Variants in KIAA0232 observed in about 807,000 individuals in gnomAD.
KIAA0232 encodes uncharacterized protein KIAA0232.
In KIAA0232, 27 loss-of-function variants were observed where a neutral mutation model predicts 122.0. The ratio of observed to expected loss-of-function variants is 0.22; its 90% CI spans 0.16 to 0.31. The LOEUF (loss-of-function observed/expected upper bound fraction) is 0.31, where lower values mean the gene tolerates loss of function less well. Ranked by LOEUF, KIAA0232 falls within the 10% of genes least tolerant of loss-of-function variation. The pLI, the probability that KIAA0232 is intolerant of heterozygous loss-of-function variation, is 1.00. For missense variants in KIAA0232, 1,551 were observed against 1,634.2 expected (o/e 0.95, Z 0.88); for synonymous variants, 613 against 587.6 (o/e 1.04, Z -0.63).
Position 6,857,193 on chromosome 4 carries a change from G to T in KIAA0232, c.399G>T (p.Glu133Asp). 1.2e-6 allele frequency: 2 copies of T among 1,610,906 alleles called. No individual in the cohort carries two copies. Among genetic ancestry groups the T allele is most frequent in the Non-Finnish European group, 1.7e-6 (2 of 1,178,498 alleles). Residue 133 changes from glutamate (E) to aspartate (D), a missense_variant, in exon 5 of 10, where the codon GAG (glutamate) becomes GAT (aspartate). Transcript: ENST00000307659. ...ESSGIETLVEELCSRLKDLQS... is the reference protein window; with the variant it reads ...ESSGIETLVEDLCSRLKDLQS... ...CTGGTATCGAGACTTTAGTGGAGGA[G>T]CTCTGCTCCAGACTGAAAGACCTTC...
chr4:6,824,810 C>CCAGTTAA (rs1227247344), intron 3 of KIAA0232, 126 bp downstream of exon 3: 5 of 768,950 alleles, frequency 6.5e-6, no homozygotes, highest in Middle Eastern at 3.7e-4. Flanking sequence ...TTTAACCTGT[C>CCAGTTAA]AGTGACCAGA....
At chr4:6,811,747 ATTTTTTTTTTTTTT>A (rs10709832) in intron 2 of KIAA0232, among the ~76,000 whole-genome samples, 1 of 103,930 alleles carries the variant, frequency 9.6e-6, no homozygotes. Flanking sequence ...GCCTGGCCTA[ATTTTTTTTTTTTTT>A]TTTTTTTTTT....
At chr4:6,842,635 G>C (rs1208670445) in intron 4 of KIAA0232, among the ~76,000 whole-genome samples, 1 of 150,658 alleles carries the variant, frequency 6.6e-6, no homozygotes, top group African/African-American at 2.4e-5. Context: ...GCCCAGGCTG[G>C]AGTGCAGTGG....
chr4:6,856,019 A>G (rs954847467), intron 4 of KIAA0232: 2 of 187,004 alleles, frequency 1.1e-5, no homozygotes, highest in Non-Finnish European at 2.0e-5. Flanking sequence ...CTATTTTTCT[A>G]TCTTCCTATT....
chr4:6,854,880 C>T (rs1200213903), intron 4 of KIAA0232, among the ~76,000 whole-genome samples: 1 of 152,044 alleles, frequency 6.6e-6, no homozygotes, highest in African/African-American at 2.4e-5. Context: ...TGCTATGCTA[C>T]TGAAATTTGA....
chr4:6,826,816 C>G (rs1482943006), intron 3 of KIAA0232, among the ~76,000 whole-genome samples: 1 of 152,150 alleles, frequency 6.6e-6, no homozygotes, highest in African/African-American at 2.4e-5. Flanking sequence ...TTTACTAGCA[C>G]AAAGTATGTG....
chr4:6,784,866 G>T (rs2108843733), intron 1 of KIAA0232, among the ~76,000 whole-genome samples: 1 of 152,042 alleles, frequency 6.6e-6, no homozygotes, highest in Non-Finnish European at 1.5e-5. Context: ...TTAACATGAC[G>T]TTAACAGAAG....
At chr4:6,880,664 G>T (rs2108863984) in intron 9 of KIAA0232, 123 bp from the exon 10 acceptor site, 1 of 655,016 alleles carries the variant, frequency 1.5e-6, no homozygotes, top group Non-Finnish European at 2.3e-6. Flanking sequence ...AACTCTGCAT[G>T]TTTGTAACTC....
At chr4:6,791,566 C>T (rs907901736) in intron 1 of KIAA0232, among the ~76,000 whole-genome samples, 25 of 151,890 alleles carry the variant, frequency 1.6e-4, no homozygotes, top group Non-Finnish European at 2.6e-4. Flanking sequence ...TGAACTCAAG[C>T]GATGCTCCTG....
intron 4 of KIAA0232, among the ~76,000 whole-genome samples, chr4:6,847,871 A>AC (rs1438864997): frequency 6.6e-6 from 1 of 151,732 alleles, no homozygotes; most frequent in Non-Finnish European, 1.5e-5. Flanking sequence ...TTAAAAAAAA[A>AC]AACTACTTAT....
intron 2 of KIAA0232, among the ~76,000 whole-genome samples, chr4:6,817,759 C>T (rs1038683371): frequency 6.6e-6 from 1 of 152,088 alleles, no homozygotes; most frequent in African/African-American, 2.4e-5. Flanking sequence ...CAGTGACTGA[C>T]AAGGAGGTTT....
chr4:6,814,214 G>A (rs1483516011), intron 2 of KIAA0232, among the ~76,000 whole-genome samples: 3 of 152,032 alleles, frequency 2.0e-5, no homozygotes, highest in African/African-American at 7.2e-5. Context: ...AAGAGAGGTT[G>A]TTGTATTTCC....
rs1435320524 is a variant in KIAA0232, at chr4:6,876,731, G to A, written c.3982G>A (p.Glu1328Lys). The A allele has an allele frequency of 2.5e-6, 4 of 1,612,610 alleles. No individual in the cohort carries two copies. Among genetic ancestry groups the A allele is most frequent in the Non-Finnish European group, 3.4e-6 (4 of 1,178,696 alleles). ...AGATGCTAAAGAGACACCCAGTAAT[G>A]AAGAGCGCCTGTTAGATTTTAATAG... ...YPDAKETPSN[E>K]ERLLDFNRVS... Residue 1328 changes from glutamate (E) to lysine (K), a missense_variant, in exon 9 of 10, where the codon GAA becomes AAA. Glu to Lys is a moderately conservative substitution (Grantham distance 56). Around this residue, in one of 5 missense-constraint regions of KIAA0232, gnomAD observed 1,108 missense variants for 1,154.8 expected, o/e 0.96. Transcript: ENST00000307659.
chr4:6,810,924 A>AAACAAC (rs531260948), intron 2 of KIAA0232, among the ~76,000 whole-genome samples: 1 of 152,214 alleles, frequency 6.6e-6, no homozygotes, highest in African/African-American at 2.4e-5. Flanking sequence ...TAAAAAGACA[A>AAACAAC]AACAACAACA....
intron 8 of KIAA0232, among the ~76,000 whole-genome samples, chr4:6,872,953 C>G (rs1721570220): frequency 6.6e-6 from 1 of 152,200 alleles, no homozygotes. Context: ...TTCCCAGGAC[C>G]CTGCCTTCCT....
At chr4:6,876,468 A>G (rs932004803) in intron 8 of KIAA0232, among the ~76,000 whole-genome samples, 192 bp from the exon 9 acceptor site, 6 of 152,142 alleles carry the variant, frequency 3.9e-5, no homozygotes, top group Non-Finnish European at 7.4e-5. Flanking sequence ...TTTTGTCAGC[A>G]TAGCGTTTTT....
rs1721031857 is a variant in KIAA0232, at chr4:6,863,977, A to G, written c.3595A>G (p.Thr1199Ala). The G allele has an allele frequency of 1.2e-6, 2 of 1,614,062 alleles. No individual in the cohort carries two copies. The highest frequency in any genetic ancestry group is 1.3e-5 in the African/African-American group (1 of 75,058). Reference sequence around the variant, plus strand: ...ATCACTGGATTCCCAGGAGGAATCAACTGGGATTCTTTCAGTAGGAAAGCA... The same window carrying G: ...ATCACTGGATTCCCAGGAGGAATCAGCTGGGATTCTTTCAGTAGGAAAGCA... ...QTSLDSQEES[T>A]GILSVGKQNQ... Residue 1199 changes from threonine to alanine, a missense_variant, in exon 7 of 10, where the codon ACT becomes GCT. Transcript: ENST00000307659.
At chr4:6,802,845 A>G (rs538845971) in intron 1 of KIAA0232, among the ~76,000 whole-genome samples, 3 of 152,096 alleles carry the variant, frequency 2.0e-5, no homozygotes, top group Non-Finnish European at 2.9e-5. Flanking sequence ...GAAGGTTGAA[A>G]GAAGAGTAAT....
chr4:6,786,188 G>A (rs948283249), intron 1 of KIAA0232, among the ~76,000 whole-genome samples: 2 of 152,198 alleles, frequency 1.3e-5, no homozygotes, highest in Non-Finnish European at 2.9e-5. Context: ...TTAAATGTAA[G>A]TGTTTAAATG....
Sources: allele counts gnomAD v4.1 joint callset (sites outside exome capture counted in the v4.1 genomes callset), GRCh38; gene constraint gnomAD v4.1.1; regional missense constraint gnomAD v4.1.1; transcripts MANE v1.5; gene names NCBI Gene and HGNC (gene_info 2026-07-23, HGNC 2026-07-21).